SUCLG2: variants seen among roughly 807,000 people sequenced by gnomAD.
The protein encoded by SUCLG2 is succinate-CoA ligase GDP-forming subunit beta.
A neutral mutation model predicts 47.9 loss-of-function variants in SUCLG2; 42 were observed. That is an observed-to-expected ratio of 0.88 (90% confidence interval 0.69 to 1.14). The LOEUF (loss-of-function observed/expected upper bound fraction) is 1.14. Ranked by LOEUF, SUCLG2 falls within the 50% of genes most tolerant of loss-of-function variation. The pLI is 0.00. For synonymous variants in SUCLG2, 195 were observed against 197.3 expected (o/e 0.99, Z 0.10); for missense variants, 571 against 525.9 (o/e 1.09, Z -0.84).
chr3:67,595,900 CTT>C (rs1156738543), intron 2 of SUCLG2, among the ~76,000 whole-genome samples: 23 of 152,212 alleles, frequency 1.5e-4, no homozygotes, highest in Admixed American at 1.3e-4. Flanking sequence ...GAAATGTGCT[CTT>C]TGTCTTGAAA....
intron 2 of SUCLG2, among the ~76,000 whole-genome samples, chr3:67,596,791 C>T (rs1477860176): frequency 6.6e-6 from 1 of 152,184 alleles, no homozygotes; most frequent in Non-Finnish European, 1.5e-5. Context: ...TTATAGTCCC[C>T]TCACTTATAA....
At chr3:67,402,838 A>T (rs143866156) in intron 9 of SUCLG2, among the ~76,000 whole-genome samples, 408 of 152,292 alleles carry the variant, frequency 2.7e-3, no homozygotes, top group African/African-American at 9.2e-3. Flanking sequence ...AGAATCACTG[A>T]CTCTGTTTAA....
intron 10 of SUCLG2, among the ~76,000 whole-genome samples, chr3:67,396,225 A>C (rs1416138195): frequency 6.6e-6 from 1 of 152,172 alleles, no homozygotes. Context: ...AAATGAATGA[A>C]ACCAGGAGCT....
intron 2 of SUCLG2, among the ~76,000 whole-genome samples, chr3:67,559,108 T>A (rs961353010): frequency 1.3e-5 from 2 of 152,180 alleles, no homozygotes; most frequent in Non-Finnish European, 2.9e-5. Flanking sequence ...ACTACGTTGC[T>A]GAAAACATGA....
chr3:67,380,080 T>C (rs1240752475), intron 10 of SUCLG2, among the ~76,000 whole-genome samples: 1 of 152,128 alleles, frequency 6.6e-6, no homozygotes, highest in African/African-American at 2.4e-5. Flanking sequence ...GGGTACTTTT[T>C]GATAGATCTC....
intron 9 of SUCLG2, among the ~76,000 whole-genome samples, chr3:67,406,358 G>T (rs905554896): frequency 6.6e-6 from 1 of 152,114 alleles, no homozygotes. Flanking sequence ...AGACAAAAAG[G>T]TTCTATATAT....
chr3:67,598,594 C>T (rs1265286993), intron 2 of SUCLG2, among the ~76,000 whole-genome samples: 2 of 152,152 alleles, frequency 1.3e-5, no homozygotes, highest in Admixed American at 6.5e-5. Context: ...TGAAAAGTAT[C>T]GTGTGAAAGG....
At chr3:67,613,034 G>C (rs1281466509) in intron 1 of SUCLG2, among the ~76,000 whole-genome samples, 1 of 152,104 alleles carries the variant, frequency 6.6e-6, no homozygotes, top group Non-Finnish European at 1.5e-5. Flanking sequence ...CCCTCTCTGG[G>C]GGTACCACCT....
chr3:67,526,960 T>C (rs762251798), intron 4 of SUCLG2, among the ~76,000 whole-genome samples: 2 of 152,100 alleles, frequency 1.3e-5, no homozygotes, highest in Non-Finnish European at 2.9e-5. Context: ...TTAAACAAAC[T>C]GTGGTAGGTA....
At chr3:67,373,096 C>T (rs1439401541), downstream of SUCLG2, among the ~76,000 whole-genome samples, 1 of 152,150 alleles carries the variant, frequency 6.6e-6, no homozygotes, top group Non-Finnish European at 1.5e-5. Flanking sequence ...TTTCCTTCCC[C>T]ACTATGATAT....
At chr3:67,371,555 T>C (rs886749766), downstream of SUCLG2, among the ~76,000 whole-genome samples, 12 of 152,184 alleles carry the variant, frequency 7.9e-5, no homozygotes, top group Non-Finnish European at 8.8e-5. Context: ...GCCCTTGCCT[T>C]ATGCCTTGTG....
intron 2 of SUCLG2, among the ~76,000 whole-genome samples, chr3:67,551,394 T>C (rs1271261297): frequency 6.6e-6 from 1 of 152,236 alleles, no homozygotes; most frequent in East Asian, 1.9e-4. Context: ...TGCTTTTCGA[T>C]AGTCTCCCTT....
At chr3:67,504,112 C>T (rs1575739997) in intron 7 of SUCLG2, among the ~76,000 whole-genome samples, 1 of 152,176 alleles carries the variant, frequency 6.6e-6, no homozygotes, top group South Asian at 2.1e-4. Flanking sequence ...TATTGAAACA[C>T]GCCTTGCCAA....
chr3:67,544,329 G>A (rs1032415232), intron 2 of SUCLG2, among the ~76,000 whole-genome samples: 1 of 152,162 alleles, frequency 6.6e-6, no homozygotes. Flanking sequence ...TGAAGGGAGG[G>A]ACCTAGTGGG....
At chr3:67,422,173 T>G (rs906392738) in intron 9 of SUCLG2, among the ~76,000 whole-genome samples, 1 of 151,550 alleles carries the variant, frequency 6.6e-6, no homozygotes, top group African/African-American at 2.4e-5. Context: ...GACAGGGAAG[T>G]TTAAAAAAAG....
chr3:67,621,532 A>G (rs1209368280), intron 1 of SUCLG2, among the ~76,000 whole-genome samples: 1 of 152,208 alleles, frequency 6.6e-6, no homozygotes. Context: ...CCAATGTGGC[A>G]GTATTGAGAG....
At chr3:67,593,053 T>G (rs1708209090) in intron 2 of SUCLG2, among the ~76,000 whole-genome samples, 1 of 152,220 alleles carries the variant, frequency 6.6e-6, no homozygotes, top group Admixed American at 6.5e-5. Context: ...TGATACAATT[T>G]GTGTACATTA....
intron 4 of SUCLG2, among the ~76,000 whole-genome samples, chr3:67,523,631 C>A (rs1263087543): frequency 2.0e-5 from 3 of 152,132 alleles, no homozygotes; most frequent in African/African-American, 7.2e-5. Context: ...TTCTAAGCAT[C>A]AACATTAATA....
At chr3:67,500,332 C>T (rs1236306635) in intron 7 of SUCLG2, among the ~76,000 whole-genome samples, 1 of 152,118 alleles carries the variant, frequency 6.6e-6, no homozygotes. Flanking sequence ...TCTGTGTAGA[C>T]CAGCATATTA....
Sources: gnomAD v4.1 joint callset for allele counts (sites outside exome capture counted in the v4.1 genomes callset) on GRCh38, gnomAD v4.1.1 for gene constraint, MANE v1.5 for transcripts, NCBI Gene and HGNC (gene_info 2026-07-23, HGNC 2026-07-21) for gene names.